Variants in XAB2 observed in about 807,000 individuals in gnomAD.
XAB2 encodes pre-mRNA-splicing factor SYF1.
In XAB2, 57 loss-of-function variants were observed where a neutral mutation model predicts 113.4. The ratio of observed to expected loss-of-function variants is 0.50; its 90% CI spans 0.41 to 0.63. The LOEUF (loss-of-function observed/expected upper bound fraction) is 0.63, where lower values mean the gene tolerates loss of function less well. Among genes scored for constraint, XAB2 ranks in the 20% least tolerant of loss-of-function variants. The probability of loss-of-function intolerance (pLI) is 0.00; values close to 1 mark genes in which losing one functional copy is unlikely to be tolerated. For synonymous variants in XAB2, 497 were observed against 498.8 expected (o/e 1.00, Z 0.05); for missense variants, 1,037 against 1,233.3 (o/e 0.84, Z 2.38).
chr19:7,623,003 G>A lies in XAB2; in HGVS notation c.1240-110C>T, dbSNP rs2031067444. On this transcript the variant is annotated intron_variant, in intron 9 of 18. Coordinates refer to ENST00000358368, the MANE Select transcript of XAB2 (RefSeq NM_020196.3). This position sits in a 1 kb window ranked among gnomAD's most constrained non-coding sequence, Gnocchi z 4.6. ...ACAAACATACAGGCACAAACACACAGGCACACACACAGGCACACACATGCG... is the reference window on the plus strand; with the variant it reads ...ACAAACATACAGGCACAAACACACAAGCACACACACAGGCACACACATGCG... 1 of 1,545,358 alleles carries A rather than the reference G, an allele frequency of 6.5e-7. No individual in the cohort carries two copies. Among genetic ancestry groups the A allele is most frequent in the Non-Finnish European group, 8.7e-7 (1 of 1,145,776 alleles).
rs1314141303 is a variant in XAB2 at position 7,628,943 on chromosome 19, G to A, written c.51+534C>T. ...CTTTAACTCTGCACACCAAGAATCT[G>A]GTGAAGATGTCACGCCTCTACTCCA... On this transcript the variant is annotated intron_variant, in intron 1 of 18. Coordinates refer to ENST00000358368, the MANE Select transcript of XAB2 (RefSeq NM_020196.3). The surrounding 1 kb of genome is among the most constrained non-coding windows in gnomAD (Gnocchi z 4.6). Among the ~76,000 whole-genome samples, 1 of 151,200 alleles carries A rather than the reference G, an allele frequency of 6.6e-6. No individual in the cohort carries two copies. Among genetic ancestry groups the A allele is most frequent in the African/African-American group, 2.5e-5 (1 of 40,510 alleles).
chr19:7,625,011 C>T lies in XAB2; in HGVS notation c.823-566G>A, dbSNP rs923151213. On this transcript the variant is annotated intron_variant, in intron 6 of 18. Coordinates refer to ENST00000358368, the MANE Select transcript of XAB2 (RefSeq NM_020196.3). This position sits in a 1 kb window ranked among gnomAD's most constrained non-coding sequence, Gnocchi z 5.2. ...GGAAGGGGCGCTGCGAAGCGCATACCGCCCACACCCCACTGGCGGCTCCCC... is the reference window on the plus strand; with the variant it reads ...GGAAGGGGCGCTGCGAAGCGCATACTGCCCACACCCCACTGGCGGCTCCCC... 1.3e-5 allele frequency among the ~76,000 whole-genome samples: 2 copies of T among 152,258 alleles called. No individual in the cohort carries two copies. Among genetic ancestry groups the T allele is most frequent in the Non-Finnish European group, 2.9e-5 (2 of 68,046 alleles).
chr19:7,626,343 CG>C lies in XAB2; in HGVS notation c.523-74del, dbSNP rs1240628628. The C allele has an allele frequency of 7.7e-6, 12 of 1,564,102 alleles. No homozygotes were observed. In the East Asian group the frequency reaches 2.0e-4, roughly 26 times the overall value. ...CGCCCACCTCCCGATTCAGTGGCTT[CG>C]GGGCGTCCCCCCCCACCCATTTATG... is the stretch of plus-strand genomic sequence containing the variant. On this transcript the variant is annotated intron_variant, in intron 4 of 18. Transcript: ENST00000358368.
At chr19:7,621,480 T>A in intron 12 of XAB2, 183 bp from the exon 13 acceptor site, 1 of 644,012 alleles carries the variant, frequency 1.6e-6, no homozygotes, top group East Asian at 2.8e-5. Context: ...TCTCCCTCTG[T>A]GAGAACCCCA....
In XAB2 at chr19:7,626,977, C is replaced by T. The variant is rs550203435; in HGVS notation, c.522+266G>A. ...CCATCAGCTCATATGCATCTGTCTT[C>T]CTACTTAGACTAAAAGCTCCGTGCA... On this transcript the variant is annotated intron_variant, in intron 4 of 18. Transcript: ENST00000358368. Among the ~76,000 whole-genome samples the T allele has an allele frequency of 5.3e-5, 8 of 152,326 alleles. No homozygotes were observed. In the South Asian group the frequency reaches 1.4e-3, roughly 28 times the overall value.
In XAB2 at chr19:7,625,473, CTTTTTTT is replaced by C. The variant is rs397724907; in HGVS notation, c.822+400_822+406del. On this transcript the variant is annotated intron_variant, in intron 6 of 18. Coordinates refer to ENST00000358368, the MANE Select transcript of XAB2 (RefSeq NM_020196.3). This position sits in a 1 kb window ranked among gnomAD's most constrained non-coding sequence, Gnocchi z 5.2. ...ATATGCATGTCTGTCAAAAATGGCA[CTTTTTTT>C]TTTTTTTTTTTTTTTTGAGATGGAG... Among the ~76,000 whole-genome samples, 1 of 105,324 alleles carries C rather than the reference CTTTTTTT, an allele frequency of 9.5e-6. No individual in the cohort carries two copies. Among genetic ancestry groups the C allele is most frequent in the East Asian group, 2.6e-4 (1 of 3,820 alleles). 69.1% of individuals were successfully genotyped at this position (105,324 alleles called of 152,430 possible).
rs143346745 is a variant in XAB2, at chr19:7,627,326, G to T, written c.439C>A (p.Arg147=). The change falls in exon 4 of 19, where the codon CGA becomes AGA. Residue 147 remains arginine, a synonymous_variant. Transcript: ENST00000358368. The surrounding 1 kb of genome is among the most constrained non-coding windows in gnomAD (Gnocchi z 4.5). The part of the protein sequence containing the change: ...LRALPITQHS[R]IWPLYLRFLR... Reference sequence around the variant, plus strand: ...AAGCGCAGATACAGGGGCCAAATTCGAGAGTGCTGCGTGATGGGCAGTGCC... The same window carrying T: ...AAGCGCAGATACAGGGGCCAAATTCTAGAGTGCTGCGTGATGGGCAGTGCC... 4.3e-5 allele frequency: 70 copies of T among 1,613,662 alleles called. No individual in the cohort carries two copies. The highest frequency in any genetic ancestry group is 1.1e-5 in the Non-Finnish European group (13 of 1,180,008).
At chr19:7,621,106 A>AGCCCCCCCCCCC in intron 13 of XAB2, 29 bp downstream of exon 13, 1 of 677,218 alleles carries the variant, frequency 1.5e-6, no homozygotes, top group Non-Finnish European at 2.0e-6. Context: ...CCCGCCCGCC[A>AGCCCCCCCCCCC]CCCCCCCCAT....
In XAB2 at chr19:7,629,492, C is replaced by A; in HGVS notation, c.36G>T (p.Arg12=). The A allele has an allele frequency of 6.2e-7, 1 of 1,602,940 alleles. No individual in the cohort carries two copies. Among genetic ancestry groups the A allele is most frequent in the Non-Finnish European group, 8.5e-7 (1 of 1,175,104 alleles). Residue 12 remains arginine, a synonymous_variant, in exon 1 of 19, where the codon CGG becomes CGT. Coordinates refer to ENST00000358368, the MANE Select transcript of XAB2 (RefSeq NM_020196.3). The part of the protein sequence containing the change: ...VVMARLSRPE[R]PDLVFEEEDL... ...GTGGACTCACGAAGACAAGGTCCGG[C>A]CGCTCGGGCCGCGAGAGTCGCGCCA... is the stretch of plus-strand genomic sequence containing the variant.
rs756706672 is a variant in XAB2 at position 7,622,742 on chromosome 19, C to T, written c.1371+20G>A. 4.3e-5 allele frequency: 69 copies of T among 1,613,670 alleles called. No individual in the cohort carries two copies. In the East Asian group the frequency reaches 1.5e-3, roughly 35 times the overall value. ...CCTACAACCTGCAGCCCCCACCCCA[C>T]AGCCTGGGCCTGTTCTCACTCGCAG... On this transcript the variant is annotated intron_variant, in intron 10 of 18. Transcript: ENST00000358368.
intron 12 of XAB2, chr19:7,621,568 T>G: frequency 2.1e-6 from 1 of 468,800 alleles, no homozygotes; most frequent in Non-Finnish European, 3.8e-6. Flanking sequence ...GGTGGGTGGC[T>G]CCCCAGCTCC....
intron 4 of XAB2, among the ~76,000 whole-genome samples, 199 bp from the exon 5 acceptor site, chr19:7,626,469 A>G (rs969235283): frequency 6.6e-6 from 1 of 151,860 alleles, no homozygotes; most frequent in Non-Finnish European, 1.5e-5. Flanking sequence ...GGTTAGGCTC[A>G]ACCCCCTGTG....
chr19:7,621,848 T>A (rs1038571305), intron 12 of XAB2: 5 of 189,668 alleles, frequency 2.6e-5, no homozygotes, highest in South Asian at 1.0e-4. Flanking sequence ...ACCCTCCCCA[T>A]GAGTCATGGG....
In XAB2 at chr19:7,627,091, G is replaced by A; in HGVS notation, c.522+152C>T. The A allele has an allele frequency of 2.2e-6, 2 of 897,544 alleles. No homozygotes were observed. Among genetic ancestry groups the A allele is most frequent in the East Asian group, 5.2e-5 (2 of 38,704 alleles). The allele number at this position is 897,544 out of a possible 1,614,324, so 55.6% of individuals were successfully genotyped here. A position where few individuals can be genotyped will look rare whatever the true frequency, so the allele number is the denominator to read the frequency against. The stretch of plus-strand genomic sequence containing the variant: ...GTGAACAAACTATTTGGAAAATAAA[G>A]ACATGAATCACGGACAACAACAAAA... On this transcript the variant is annotated intron_variant, in intron 4 of 18. Coordinates refer to ENST00000358368, the MANE Select transcript of XAB2 (RefSeq NM_020196.3). The surrounding 1 kb of genome is among the most constrained non-coding windows in gnomAD (Gnocchi z 4.5).
rs1249990184 is a variant in XAB2, at chr19:7,619,741, C to T, written c.2506+6G>A. The T allele has an allele frequency of 3.7e-6, 6 of 1,613,576 alleles. No individual in the cohort carries two copies. The South Asian group carries it at 5.5e-5, about 15-fold the overall frequency. ...GCCACCGTCCCCGCCCCAGCCGGGCCCTCACCGTTGGGCTCCAGGTCCATC... is the reference window on the plus strand; with the variant it reads ...GCCACCGTCCCCGCCCCAGCCGGGCTCTCACCGTTGGGCTCCAGGTCCATC... On this transcript the variant is annotated splice_donor_region_variant and intron_variant, in intron 18 of 18. Transcript: ENST00000358368.
At chr19:7,626,782 A>T (rs1306382098) in intron 4 of XAB2, among the ~76,000 whole-genome samples, 1 of 152,178 alleles carries the variant, frequency 6.6e-6, no homozygotes, top group Non-Finnish European at 1.5e-5. Context: ...GTCCAGCCTC[A>T]GTCCTGACTG....
intron 12 of XAB2, chr19:7,621,545 C>A: frequency 1.9e-6 from 1 of 513,140 alleles, no homozygotes; most frequent in Non-Finnish European, 3.5e-6. Context: ...TAGGAGGTGA[C>A]ATGATGGGTG....
In XAB2 at chr19:7,623,762, C is replaced by A. The variant is rs764275974; in HGVS notation, c.1088G>T (p.Arg363Leu). 1 of 1,610,846 alleles carries A rather than the reference C, an allele frequency of 6.2e-7. No individual in the cohort carries two copies. Among genetic ancestry groups the A allele is most frequent in the East Asian group, 2.2e-5 (1 of 44,866 alleles). Residue 363 changes from arginine to leucine, a missense_variant, in exon 8 of 19, where the codon CGT becomes CTT. Physicochemically the swap from Arg to Leu is moderately radical, Grantham distance 102. Transcript: ENST00000358368. The surrounding 1 kb of genome is among the most constrained non-coding windows in gnomAD (Gnocchi z 4.6). ...NPHHVHEWHK[R>L]VALHQGRPRE... ...GGGGCGGCCCTGGTGCAGGGCGACACGCTTGTGCCACTCGTGCACGTGGTG... is the reference window on the plus strand; with the variant it reads ...GGGGCGGCCCTGGTGCAGGGCGACAAGCTTGTGCCACTCGTGCACGTGGTG...
chr19:7,627,633 T>C lies in XAB2; in HGVS notation c.324+95A>G. 1.3e-6 allele frequency: 2 copies of C among 1,568,566 alleles called. No individual in the cohort carries two copies. The highest frequency in any genetic ancestry group is 1.7e-6 in the Non-Finnish European group (2 of 1,153,402). On this transcript the variant is annotated intron_variant, in intron 3 of 18. Coordinates refer to ENST00000358368, the MANE Select transcript of XAB2 (RefSeq NM_020196.3). This position sits in a 1 kb window ranked among gnomAD's most constrained non-coding sequence, Gnocchi z 4.5. ...GAAGCAACAGGAATCCAAGCCCCCA[T>C]CCCTAACATGCTGAGCCCAGCCCCT...
Sources: gnomAD v4.1 joint callset for allele counts (sites outside exome capture counted in the v4.1 genomes callset) on GRCh38, gnomAD v4.1.1 for gene constraint, Gnocchi (gnomAD v3.1) non-coding constraint, MANE v1.5 for transcripts, NCBI Gene and HGNC (gene_info 2026-07-23, HGNC 2026-07-21) for gene names.